PCNX4: variants seen among roughly 807,000 people sequenced by gnomAD.
The protein encoded by PCNX4 is pecanex-like protein 4.
In PCNX4, 103 loss-of-function variants were observed where a neutral mutation model predicts 107.2. The observed-to-expected ratio is 0.96, with a 90% CI of 0.82 to 1.13. The LOEUF is 1.13. Ranked by LOEUF, PCNX4 falls within the 50% of genes most tolerant of loss-of-function variation. The pLI is 0.00. For synonymous variants in PCNX4, 541 were observed against 481.7 expected (o/e 1.12, Z -1.61); for missense variants, 1,528 against 1,379.4 (o/e 1.11, Z -1.71).
At chr14:60,105,335 A>G (rs1456789571) in intron 1 of PCNX4, among the ~76,000 whole-genome samples, 1 of 152,234 alleles carries the variant, frequency 6.6e-6, no homozygotes, top group African/African-American at 2.4e-5. Context: ...AGGAGAGAGC[A>G]TGAGCTCAGT....
At chr14:60,103,165 A>G (rs752302766) in intron 1 of PCNX4, among the ~76,000 whole-genome samples, 25 of 152,184 alleles carry the variant, frequency 1.6e-4, no homozygotes, top group Non-Finnish European at 1.8e-4. Context: ...TAACTGGCAT[A>G]CCCTTTCAGT....
rs902329126 is a variant in PCNX4 at position 60,107,841 on chromosome 14, A to G, written c.203A>G (p.Lys68Arg). ...CTTTTATACCAGTTAGGCATCCTGA[A>G]AGACTATTATACAGCAGCACTTTCA... ...GTLLYQLGIL[K>R]DYYTAALSGG... The change falls in exon 2 of 11, where the codon AAA becomes AGA. Residue 68 changes from lysine (K) to arginine (R), a missense_variant. Lys to Arg is a conservative substitution (Grantham distance 26). Transcript: ENST00000406854. 23 of 1,612,714 alleles carry G rather than the reference A, an allele frequency of 1.4e-5. 1 individual carries two copies. The South Asian group carries it at 2.3e-4, about 16-fold the overall frequency.
In PCNX4 at chr14:60,107,708, G is replaced by C; in HGVS notation, c.70G>C (p.Val24Leu). 11 of 1,612,812 alleles carry C rather than the reference G, an allele frequency of 6.8e-6. No individual in the cohort carries two copies. Among genetic ancestry groups the C allele is most frequent in the Non-Finnish European group, 9.3e-6 (11 of 1,179,862 alleles). Residue 24 changes from valine to leucine, a missense_variant, in exon 2 of 11, where the codon GTT (valine) becomes CTT (leucine). Physicochemically the swap from Val to Leu is conservative, Grantham distance 32 (BLOSUM62 1). Transcript: ENST00000406854. ...CTTTCTGAAGCGCTTTCCACAGACTGTTCTTGGAGGCCCTCGATTCAAATT... is the reference window on the plus strand; with the variant it reads ...CTTTCTGAAGCGCTTTCCACAGACTCTTCTTGGAGGCCCTCGATTCAAATT... Reference protein sequence around the residue: ...DFFLKRFPQTVLGGPRFKLGY... With the variant: ...DFFLKRFPQTLLGGPRFKLGY...
In PCNX4 at chr14:60,124,264, G is replaced by T; in HGVS notation, c.2093G>T (p.Arg698Ile). ...ETSCHTAEAR[R>I]VDEVFEDAFE... Reference sequence around the variant, plus strand: ...TCCTGTCATACTGCAGAAGCTCGCAGAGTTGATGAAGTTTTTGAAGATGCT... The same window carrying T: ...TCCTGTCATACTGCAGAAGCTCGCATAGTTGATGAAGTTTTTGAAGATGCT... The change falls in exon 9 of 11, where the codon AGA becomes ATA. Residue 698 changes from arginine to isoleucine, a missense_variant. Physicochemically the swap from Arg to Ile is moderately conservative, Grantham distance 97. Coordinates refer to ENST00000406854, the MANE Select transcript of PCNX4 (RefSeq NM_001330177.2). 6.2e-7 allele frequency: 1 copy of T among 1,604,070 alleles called. No homozygotes were observed. The highest frequency in any genetic ancestry group is 1.1e-5 in the South Asian group (1 of 89,594).
chr14:60,094,761 G>GCT (rs1555392137), intron 1 of PCNX4, among the ~76,000 whole-genome samples: 5 of 107,146 alleles, frequency 4.7e-5, no homozygotes, highest in East Asian at 3.1e-4. Flanking sequence ...TTGCTGTAGA[G>GCT]CCCCCCCCCA....
Position 60,106,945 on chromosome 14 carries a change from A to G in PCNX4, c.-53-641A>G, listed in dbSNP as rs568870282. On this transcript the variant is annotated intron_variant, in intron 1 of 10. Coordinates refer to ENST00000406854, the MANE Select transcript of PCNX4 (RefSeq NM_001330177.2). ...ATTTTATACTTAGATTTATATGGCTATTGAATAAAAGTAGCCTAAATTGAT... is the reference window on the plus strand; with the variant it reads ...ATTTTATACTTAGATTTATATGGCTGTTGAATAAAAGTAGCCTAAATTGAT... Among the ~76,000 whole-genome samples, 139 of 152,362 alleles carry G rather than the reference A, an allele frequency of 9.1e-4. 5 individuals are homozygous for G. In the South Asian group the frequency reaches 0.028, roughly 30 times the overall value.
At chr14:60,107,092 A>G (rs1002709896) in intron 1 of PCNX4, among the ~76,000 whole-genome samples, 1 of 152,210 alleles carries the variant, frequency 6.6e-6, no homozygotes, top group Non-Finnish European at 1.5e-5. Flanking sequence ...TTAAAAAAAT[A>G]AAAAACAAGG....
chr14:60,126,785 C>T (rs1043925972), intron 10 of PCNX4, among the ~76,000 whole-genome samples: 1 of 152,180 alleles, frequency 6.6e-6, no homozygotes, highest in Admixed American at 6.5e-5. Flanking sequence ...ACCGCACTTA[C>T]GGGATGGAGA....
At chr14:60,096,060 A>G (rs769527493) in intron 1 of PCNX4, among the ~76,000 whole-genome samples, 10 of 152,226 alleles carry the variant, frequency 6.6e-5, no homozygotes, top group Non-Finnish European at 1.3e-4. Flanking sequence ...TTCCTAATAT[A>G]AGCAATAAGC....
intron 1 of PCNX4, among the ~76,000 whole-genome samples, chr14:60,101,104 C>A (rs2140531427): frequency 6.6e-6 from 1 of 152,330 alleles, no homozygotes; most frequent in African/African-American, 2.4e-5. Context: ...CCCAGGTCTT[C>A]AGATAAACTC....
At position 60,108,181 on chromosome 14, in the gene PCNX4, G is replaced by C. The variant is rs778789947; in HGVS notation, c.543G>C (p.Trp181Cys). 32 of 1,612,854 alleles carry C rather than the reference G, an allele frequency of 2.0e-5. No individual in the cohort carries two copies. The highest frequency in any genetic ancestry group is 2.7e-5 in the Non-Finnish European group (32 of 1,179,876). Reference protein sequence around the residue: ...GGTALLFFFGWMTLCIAEYSL... With the variant: ...GGTALLFFFGCMTLCIAEYSL... Reference sequence around the variant, plus strand: ...CTGCTCTACTATTCTTCTTTGGATGGATGACACTATGTATAGCAGAATATT... The same window carrying C: ...CTGCTCTACTATTCTTCTTTGGATGCATGACACTATGTATAGCAGAATATT... The change falls in exon 2 of 11, where the codon TGG becomes TGC. Residue 181 changes from tryptophan (W) to cysteine (C), a missense_variant. Trp to Cys is a radical substitution (Grantham distance 215). Transcript: ENST00000406854.
At chr14:60,131,572 TAAAC>T (rs558946076) in intron 10 of PCNX4, among the ~76,000 whole-genome samples, 122 of 152,280 alleles carry the variant, frequency 8.0e-4, no homozygotes, top group Non-Finnish European at 1.4e-3. Flanking sequence ...TCTAAATAAA[TAAAC>T]ATCCAGTGTT....
Position 60,115,921 on chromosome 14 carries a change from G to T in PCNX4, c.1459-20G>T, listed in dbSNP as rs1316537726. On this transcript the variant is annotated intron_variant, in intron 5 of 10. Coordinates refer to ENST00000406854, the MANE Select transcript of PCNX4 (RefSeq NM_001330177.2). ...TTATCTAATTCTACCTGATAAAAATGGATAATTTGTATACTGCAGGTATGG... is the reference window on the plus strand; with the variant it reads ...TTATCTAATTCTACCTGATAAAAATTGATAATTTGTATACTGCAGGTATGG... The T allele has an allele frequency of 3.8e-6, 6 of 1,599,558 alleles. No homozygotes were observed. Among genetic ancestry groups the T allele is most frequent in the Non-Finnish European group, 5.1e-6 (6 of 1,172,320 alleles).
chr14:60,114,604 A>C (rs1384175075), intron 2 of PCNX4, 96 bp from the exon 3 acceptor site: 2 of 993,826 alleles, frequency 2.0e-6, no homozygotes. Flanking sequence ...TTTTTTTGGA[A>C]GGGAGTGTGT....
chr14:60,125,752 G>C lies in PCNX4; in HGVS notation c.3196G>C (p.Asp1066His). ...ERDWYIGLVS[D>H]EKWKEAILQE... ...TGACTGGTACATTGGTTTGGTATCT[G>C]ATGAAAAGTGGAAGGAAGCAATTTT... The change falls in exon 10 of 11, where the codon GAT (aspartate) becomes CAT (histidine). Residue 1066 changes from aspartate (D) to histidine (H), a missense_variant. Physicochemically the swap from Asp to His is moderately conservative, Grantham distance 81. Coordinates refer to ENST00000406854, the MANE Select transcript of PCNX4 (RefSeq NM_001330177.2). 2 of 1,611,750 alleles carry C rather than the reference G, an allele frequency of 1.2e-6. No homozygotes were observed. The highest frequency in any genetic ancestry group is 1.3e-5 in the African/African-American group (1 of 74,930).
In PCNX4 at chr14:60,148,162, T is replaced by G. The variant is rs577827264; in HGVS notation, c.*13941T>G. On this transcript the variant is annotated 3_prime_UTR_variant, in exon 11 of 11. Transcript: ENST00000406854. This position sits in a 1 kb window ranked among gnomAD's most constrained non-coding sequence, Gnocchi z 4.8. The stretch of plus-strand genomic sequence containing the variant: ...GCATTTTGTTGTGTTTGTAACTTTT[T>G]ACCCCCTAATTCATTTTCACTGTCC... The G allele has an allele frequency of 6.6e-6, 1 of 152,374 alleles. No individual in the cohort carries two copies. The highest frequency in any genetic ancestry group is 2.1e-4 in the South Asian group (1 of 4,830). The allele number at this position is 152,374 out of a possible 1,614,324, so 9.4% of individuals were successfully genotyped here.
At position 60,107,569 on chromosome 14, in the gene PCNX4, T is replaced by A; in HGVS notation, c.-53-17T>A. The A allele has an allele frequency of 6.6e-6, 9 of 1,359,840 alleles. No homozygotes were observed. The South Asian group carries it at 1.2e-4, about 18-fold the overall frequency. 84.2% of individuals were successfully genotyped at this position (1,359,840 alleles called of 1,614,324 possible). A position where few individuals can be genotyped will look rare whatever the true frequency, so the allele number is the denominator to read the frequency against. On this transcript the variant is annotated splice_polypyrimidine_tract_variant and intron_variant, in intron 1 of 10. Transcript: ENST00000406854. The stretch of plus-strand genomic sequence containing the variant: ...GACATTTTCAAACAGTGACTTTTTT[T>A]AATTTTTATTTTTTAGAAACTGCTG...
Position 60,104,234 on chromosome 14 carries a change from G to T in PCNX4, c.-53-3352G>T, listed in dbSNP as rs372452184. Among the ~76,000 whole-genome samples the T allele has an allele frequency of 2.0e-4, 30 of 149,076 alleles. 1 individual carries two copies. The highest frequency in any genetic ancestry group is 1.8e-3 in the East Asian group (9 of 5,026). ...CTCAGGAGGCTGAGGCAGGAGAATCGCTTGAACCCAGGAGGCGGAGGTTGT... is the reference window on the plus strand; with the variant it reads ...CTCAGGAGGCTGAGGCAGGAGAATCTCTTGAACCCAGGAGGCGGAGGTTGT... On this transcript the variant is annotated intron_variant, in intron 1 of 10. Coordinates refer to ENST00000406854, the MANE Select transcript of PCNX4 (RefSeq NM_001330177.2).
intron 10 of PCNX4, among the ~76,000 whole-genome samples, chr14:60,133,454 A>G (rs1896189966): frequency 6.6e-6 from 1 of 152,198 alleles, no homozygotes; most frequent in Admixed American, 6.5e-5. Flanking sequence ...TAGGATGGTG[A>G]TAACTAAAGA....
Sources: allele counts gnomAD v4.1 joint callset (sites outside exome capture counted in the v4.1 genomes callset), GRCh38; gene constraint gnomAD v4.1.1; non-coding constraint Gnocchi (gnomAD v3.1); transcripts MANE v1.5; gene names NCBI Gene and HGNC (gene_info 2026-07-23, HGNC 2026-07-21).